HSP90AA1: variants seen among roughly 807,000 people sequenced by gnomAD.
The protein encoded by HSP90AA1 is heat shock protein HSP 90-alpha.
A neutral mutation model predicts 73.3 loss-of-function variants in HSP90AA1; 18 were observed. The ratio of observed to expected loss-of-function variants is 0.25; its 90% confidence interval spans 0.17 to 0.36. HSP90AA1 has a LOEUF of 0.36. Ranked by LOEUF, HSP90AA1 falls within the 10% of genes least tolerant of loss-of-function variation. The pLI is 1.00. For missense variants in HSP90AA1, 704 were observed against 874.2 expected, an observed-to-expected ratio of 0.81 and a Z score of 2.45; for synonymous variants, 477 against 296.9, an observed-to-expected ratio of 1.61 and a Z score of -6.24.
At chr14:102,129,299 C>T (rs945564260) in intron 1 of HSP90AA1, among the ~76,000 whole-genome samples, 3 of 151,956 alleles carry the variant, frequency 2.0e-5, no homozygotes, top group Admixed American at 6.6e-5. Context: ...TGTGCCACCA[C>T]GCCCACCTGG....
intron 1 of HSP90AA1, among the ~76,000 whole-genome samples, chr14:102,133,069 CAGG>C (rs2049928612): frequency 6.6e-6 from 1 of 152,138 alleles, no homozygotes; most frequent in African/African-American, 2.4e-5. Context: ...CACCTGAGGT[CAGG>C]AGTTCAAGAC....
At chr14:102,102,600 T>C (rs1228625485) in intron 1 of HSP90AA1, among the ~76,000 whole-genome samples, 1 of 152,212 alleles carries the variant, frequency 6.6e-6, no homozygotes, top group African/African-American at 2.4e-5. Flanking sequence ...ACGAGTTCCC[T>C]GTTCCACACT....
In HSP90AA1 at chr14:102,086,386, G is replaced by A. The variant is rs777409489; in HGVS notation, c.1-8C>T. On this transcript the variant is annotated splice_polypyrimidine_tract_variant and splice_region_variant and intron_variant, in intron 1 of 10. Coordinates refer to ENST00000216281, the MANE Select transcript of HSP90AA1 (RefSeq NM_005348.4). ...CTGGGTTTCCTCAGGCATCTGGAACGACACCGCGCCGGTTTAAAACCTTGC... is the reference window on the plus strand; with the variant it reads ...CTGGGTTTCCTCAGGCATCTGGAACAACACCGCGCCGGTTTAAAACCTTGC... 5.6e-6 allele frequency: 9 copies of A among 1,614,142 alleles called. No individual in the cohort carries two copies. The highest frequency in any genetic ancestry group is 1.7e-5 in the Admixed American group (1 of 60,036).
chr14:102,098,538 A>T (rs1306368981), intron 2 of HSP90AA1, among the ~76,000 whole-genome samples: 3 of 139,562 alleles, frequency 2.1e-5, no homozygotes, highest in African/African-American at 8.2e-5. Flanking sequence ...ATCTCAGCTC[A>T]CCACAACCTC....
At chr14:102,138,802 A>G (rs2050113489) in intron 1 of HSP90AA1, among the ~76,000 whole-genome samples, 1 of 152,188 alleles carries the variant, frequency 6.6e-6, no homozygotes, top group African/African-American at 2.4e-5. Flanking sequence ...CTGGTGTAAC[A>G]TGCCAAGAAA....
At position 102,116,472 on chromosome 14, in the gene HSP90AA1, C is replaced by T. The variant is rs1262800461; in HGVS notation, c.156-14387G>A. 3.9e-5 allele frequency among the ~76,000 whole-genome samples: 6 copies of T among 152,304 alleles called. No homozygotes were observed. In the East Asian group the frequency reaches 5.8e-4, roughly 15 times the overall value. ...CAAGCAGTGGCGGCAGGGGCAGCTG[C>T]GGGAGCAGGAATGGTGGCAGTGGGT... On this transcript the variant is annotated intron_variant, in intron 1 of 11. Transcript: ENST00000334701.
chr14:102,098,734 C>T (rs1248785850), intron 2 of HSP90AA1, among the ~76,000 whole-genome samples: 4 of 151,556 alleles, frequency 2.6e-5, no homozygotes, highest in Admixed American at 6.6e-5. Flanking sequence ...AGTGCTCTGT[C>T]GCCCAGGCTG....
chr14:102,135,062 G>A lies in HSP90AA1; in HGVS notation c.155+4188C>T, dbSNP rs1282098429. On this transcript the variant is annotated intron_variant, in intron 1 of 11. Coordinates refer to the HSP90AA1 transcript ENST00000334701. ...CCAGAGCAGCTAGATACAGAGTGTC[G>A]ACTGGTGCATTCACAAACCTTGAGC... Among the ~76,000 whole-genome samples the A allele has an allele frequency of 3.3e-5, 5 of 152,200 alleles. No homozygotes were observed. The South Asian group carries it at 6.2e-4, about 19-fold the overall frequency.
intron 1 of HSP90AA1, among the ~76,000 whole-genome samples, chr14:102,115,290 T>C (rs1382947500): frequency 1.8e-5 from 2 of 109,210 alleles, no homozygotes; most frequent in East Asian, 6.6e-4. Context: ...AGATTCCATC[T>C]CATAAAACAA....
chr14:102,134,643 G>A (rs1421562210), intron 1 of HSP90AA1, among the ~76,000 whole-genome samples: 3 of 152,044 alleles, frequency 2.0e-5, no homozygotes, highest in Non-Finnish European at 4.4e-5. Flanking sequence ...TCCTAAGGCA[G>A]CACGTCTGGA....
At chr14:102,126,014 A>G (rs750681920) in intron 1 of HSP90AA1, among the ~76,000 whole-genome samples, 3 of 152,230 alleles carry the variant, frequency 2.0e-5, no homozygotes, top group Non-Finnish European at 4.4e-5. Context: ...AAATTGTGCT[A>G]AGTGCTATAC....
rs1246602895 is a variant in HSP90AA1 at position 102,086,394 on chromosome 14, G to A, written c.1-16C>T. 1 of 1,614,016 alleles carries A rather than the reference G, an allele frequency of 6.2e-7. No individual in the cohort carries two copies. The highest frequency in any genetic ancestry group is 8.5e-7 in the Non-Finnish European group (1 of 1,180,010). On this transcript the variant is annotated splice_polypyrimidine_tract_variant and intron_variant, in intron 1 of 10. Transcript: ENST00000216281. The stretch of plus-strand genomic sequence containing the variant: ...CCTCAGGCATCTGGAACGACACCGC[G>A]CCGGTTTAAAACCTTGCAGGACGTC...
chr14:102,107,724 T>A (rs999785802), intron 1 of HSP90AA1, among the ~76,000 whole-genome samples: 4 of 152,010 alleles, frequency 2.6e-5, no homozygotes, highest in Non-Finnish European at 5.9e-5. Context: ...ACAGCTGGTG[T>A]GGCTGTTCTG....
At chr14:102,131,566 G>A (rs888678920) in intron 1 of HSP90AA1, among the ~76,000 whole-genome samples, 1 of 152,112 alleles carries the variant, frequency 6.6e-6, no homozygotes, top group African/African-American at 2.4e-5. Flanking sequence ...AACACACTAG[G>A]CACACTTCCG....
rs917043562 is a variant in HSP90AA1, at chr14:102,084,780, C to T, written c.882G>A (p.Lys294=). ...CGTCGGGATTTCTGGTCCAGATGGG[C>T]TTTGTTTTGTTGAGCTCTTCTTGAT... ...YIDQEELNKT[K]PIWTRNPDDI... is the part of the protein sequence containing the mutation. The change falls in exon 5 of 11, where the codon AAG becomes AAA. Residue 294 remains lysine (K), a synonymous_variant. Coordinates refer to ENST00000216281, the MANE Select transcript of HSP90AA1 (RefSeq NM_005348.4). The T allele has an allele frequency of 4.3e-6, 7 of 1,613,954 alleles. No individual in the cohort carries two copies. Among genetic ancestry groups the T allele is most frequent in the Non-Finnish European group, 5.9e-6 (7 of 1,179,992 alleles).
chr14:102,125,578 T>G (rs2049829811), intron 1 of HSP90AA1, among the ~76,000 whole-genome samples: 1 of 152,124 alleles, frequency 6.6e-6, no homozygotes, highest in South Asian at 2.1e-4. Context: ...AACAAGGGGC[T>G]GAATCTCCCC....
At chr14:102,135,222 G>C (rs1242410928) in intron 1 of HSP90AA1, among the ~76,000 whole-genome samples, 1 of 151,946 alleles carries the variant, frequency 6.6e-6, no homozygotes, top group Non-Finnish European at 1.5e-5. Context: ...ACAGAGTGTG[G>C]ATTGGTGCAC....
At chr14:102,092,896 C>T (rs1276266636) in intron 2 of HSP90AA1, among the ~76,000 whole-genome samples, 1 of 151,912 alleles carries the variant, frequency 6.6e-6, no homozygotes, top group African/African-American at 2.4e-5. Flanking sequence ...GACACGTGCG[C>T]CACCATGCCC....
intron 2 of HSP90AA1, chr14:102,101,788 G>C: frequency 3.7e-6 from 4 of 1,077,898 alleles, no homozygotes; most frequent in Non-Finnish European, 5.7e-6. Context: ...TTAGCTTTCT[G>C]TGACTCCAAC....
Sources: allele counts gnomAD v4.1 joint callset (sites outside exome capture counted in the v4.1 genomes callset), GRCh38; gene constraint gnomAD v4.1.1; transcripts MANE v1.5; gene names NCBI Gene and HGNC (gene_info 2026-07-23, HGNC 2026-07-21).